Variants in CSMD3 observed in about 807,000 individuals in gnomAD.
CSMD3 encodes CUB and sushi domain-containing protein 3.
CSMD3 carries 177 observed loss-of-function variants against 435.2 expected under a neutral mutation model. The ratio of observed to expected loss-of-function variants is 0.41; its 90% CI spans 0.36 to 0.46. CSMD3 has a LOEUF of 0.46. Ranked by LOEUF, CSMD3 falls within the 20% of genes least tolerant of loss-of-function variation. The pLI is 0.34. For synonymous variants in CSMD3, 1,656 were observed against 1,520.5 expected, an observed-to-expected ratio of 1.09 and a Z score of -2.07; for missense variants, 4,265 against 4,504.6, an observed-to-expected ratio of 0.95 and a Z score of 1.52.
chr8:112,232,161 A>C (rs1300954801), intron 68 of CSMD3, among the ~76,000 whole-genome samples: 1 of 152,226 alleles, frequency 6.6e-6, no homozygotes, highest in African/African-American at 2.4e-5. Flanking sequence ...GCCAGCCACA[A>C]AAGGCCACAT....
rs977683817 is a variant in CSMD3, at chr8:112,433,740, A to G, written c.5396-24708T>C. Reference sequence around the variant, plus strand: ...CAACAAACCTATTTGAAAAATAATCATAACTGTTTGCTTTACAAATGACTA... The same window carrying G: ...CAACAAACCTATTTGAAAAATAATCGTAACTGTTTGCTTTACAAATGACTA... On this transcript the variant is annotated intron_variant, in intron 32 of 70. Coordinates refer to ENST00000297405, the MANE Select transcript of CSMD3 (RefSeq NM_198123.2). Among the ~76,000 whole-genome samples, 6 of 152,090 alleles carry G rather than the reference A, an allele frequency of 3.9e-5. No individual in the cohort carries two copies. The South Asian group carries it at 1.2e-3, about 32-fold the overall frequency.
At chr8:112,475,469 C>T (rs759411678) in intron 31 of CSMD3, among the ~76,000 whole-genome samples, 1 of 151,902 alleles carries the variant, frequency 6.6e-6, no homozygotes, top group Non-Finnish European at 1.5e-5. Flanking sequence ...CTGATGAGTG[C>T]CTACAGCGTG....
rs2131824134 is a variant in CSMD3, at chr8:112,689,916, C to T, written c.2107G>A (p.Val703Ile). 3 of 1,613,326 alleles carry T rather than the reference C, an allele frequency of 1.9e-6. No individual in the cohort carries two copies. The highest frequency in any genetic ancestry group is 1.7e-6 in the Non-Finnish European group (2 of 1,179,486). ...GACCATTGGTTATTCTCTTGACAAA[C>T]AATGGATTTCTCTCCAATTAATTCA... ...GFELIGEKSI[V>I]CQENNQWSAN... Residue 703 changes from valine to isoleucine, a missense_variant, in exon 14 of 71, where the codon GTT becomes ATT. Val to Ile is a conservative substitution (Grantham distance 29, BLOSUM62 3). Around this residue, in one of 3 missense-constraint regions of CSMD3, gnomAD observed 279 missense variants for 369.0 expected, o/e 0.76. Coordinates refer to ENST00000297405, the MANE Select transcript of CSMD3 (RefSeq NM_198123.2).
At chr8:113,423,171 T>G (rs903344848) in intron 1 of CSMD3, among the ~76,000 whole-genome samples, 1 of 152,122 alleles carries the variant, frequency 6.6e-6, no homozygotes, top group Non-Finnish European at 1.5e-5. Flanking sequence ...ATATGAAATT[T>G]TCCACTTGTG....
chr8:113,364,979 A>C (rs2094302086), intron 1 of CSMD3, among the ~76,000 whole-genome samples: 1 of 152,112 alleles, frequency 6.6e-6, no homozygotes, highest in Non-Finnish European at 1.5e-5. Context: ...CAGATTGATC[A>C]AACAAACCGT....
intron 4 of CSMD3, among the ~76,000 whole-genome samples, chr8:113,157,354 T>C (rs1028001220): frequency 2.0e-5 from 3 of 152,078 alleles, no homozygotes; most frequent in Non-Finnish European, 4.4e-5. Flanking sequence ...GACCCAAGAG[T>C]CTCATGTCTT....
intron 17 of CSMD3, among the ~76,000 whole-genome samples, chr8:112,656,704 C>T (rs2075266659): frequency 6.6e-6 from 1 of 152,046 alleles, no homozygotes; most frequent in South Asian, 2.1e-4. Context: ...TATTTTCAAT[C>T]AGATAATTAG....
chr8:112,442,288 C>T (rs910773110), intron 32 of CSMD3, among the ~76,000 whole-genome samples: 1 of 152,162 alleles, frequency 6.6e-6, no homozygotes, highest in Non-Finnish European at 1.5e-5. Flanking sequence ...TATACCCCAC[C>T]TCCAATATTG....
intron 10 of CSMD3, among the ~76,000 whole-genome samples, chr8:112,867,487 T>C (rs1425493858): frequency 6.6e-6 from 1 of 152,086 alleles, no homozygotes; most frequent in African/African-American, 2.4e-5. Context: ...TTAAACATCA[T>C]AGAGTGTGCT....
chr8:112,602,969 A>G (rs1317136197), intron 22 of CSMD3, among the ~76,000 whole-genome samples: 3 of 152,110 alleles, frequency 2.0e-5, no homozygotes, highest in African/African-American at 7.2e-5. Context: ...GCTGGAGTGC[A>G]GTGGCACTCT....
intron 59 of CSMD3, among the ~76,000 whole-genome samples, chr8:112,274,795 C>A (rs1817874871): frequency 1.3e-5 from 2 of 152,030 alleles, no homozygotes; most frequent in Non-Finnish European, 2.9e-5. Flanking sequence ...AAAAATAATA[C>A]CTCATGCAAG....
chr8:113,146,837 C>T (rs2091686104), intron 4 of CSMD3, among the ~76,000 whole-genome samples: 1 of 151,440 alleles, frequency 6.6e-6, no homozygotes, highest in African/African-American at 2.4e-5. Context: ...TATGAAGTCT[C>T]CAGAAATACT....
In CSMD3 at chr8:112,375,708, A is replaced by G. The variant is rs150771186; in HGVS notation, c.6136+4644T>C. Among the ~76,000 whole-genome samples, 150 of 152,276 alleles carry G rather than the reference A, an allele frequency of 9.9e-4. 1 individual carries two copies. In the East Asian group the frequency reaches 0.022, roughly 23 times the overall value. On this transcript the variant is annotated intron_variant, in intron 38 of 70. Transcript: ENST00000297405. The stretch of plus-strand genomic sequence containing the variant: ...AAAGGATTTTTGCATTCAGCAATAT[A>G]TTTTAGAAATGTAAAAGTTGTACAC...
chr8:112,863,208 C>A (rs1249157704), intron 10 of CSMD3, among the ~76,000 whole-genome samples: 2 of 151,948 alleles, frequency 1.3e-5, no homozygotes, highest in South Asian at 2.1e-4. Context: ...ATGTGTAAAT[C>A]TGTCAGTGTC....
chr8:112,598,130 G>C (rs1831933024), intron 22 of CSMD3, among the ~76,000 whole-genome samples: 1 of 145,684 alleles, frequency 6.9e-6, no homozygotes, highest in African/African-American at 2.6e-5. Context: ...CATTGTCTCA[G>C]CCCAAAATCT....
At chr8:112,898,502 C>A (rs921796125) in intron 10 of CSMD3, among the ~76,000 whole-genome samples, 1 of 151,118 alleles carries the variant, frequency 6.6e-6, no homozygotes, top group East Asian at 2.0e-4. Flanking sequence ...CTATATTTAA[C>A]TTCATTTACT....
At chr8:113,248,209 T>C (rs1474481797) in intron 3 of CSMD3, among the ~76,000 whole-genome samples, 7 of 151,832 alleles carry the variant, frequency 4.6e-5, no homozygotes, top group Admixed American at 4.6e-4. Flanking sequence ...TGGCTCTCGT[T>C]AGTAAGAGTG....
At chr8:113,376,780 G>A in intron 1 of CSMD3, 1 of 1,613,902 alleles carries the variant, frequency 6.2e-7, no homozygotes, top group Non-Finnish European at 8.5e-7. Flanking sequence ...TTCCAGCAAA[G>A]GAACCAACTC....
rs554000124 is a variant in CSMD3, at chr8:112,828,426, T to G, written c.1859+1260A>C. On this transcript the variant is annotated intron_variant, in intron 12 of 70. Transcript: ENST00000297405. Reference sequence around the variant, plus strand: ...GATAGTGAGTTCTCACAAGATCTGATGGTTTTAAAGTGTGTGGGACTTCCC... The same window carrying G: ...GATAGTGAGTTCTCACAAGATCTGAGGGTTTTAAAGTGTGTGGGACTTCCC... Among the ~76,000 whole-genome samples the G allele has an allele frequency of 2.0e-5, 3 of 152,234 alleles. No individual in the cohort carries two copies. In the East Asian group the frequency reaches 5.8e-4, roughly 30 times the overall value.
Sources: gnomAD v4.1 joint callset for allele counts (sites outside exome capture counted in the v4.1 genomes callset) on GRCh38, gnomAD v4.1.1 for gene constraint, gnomAD v4.1.1 regional missense constraint, MANE v1.5 for transcripts, NCBI Gene and HGNC (gene_info 2026-07-23, HGNC 2026-07-21) for gene names.